CADPS2: variants seen among roughly 807,000 people sequenced by gnomAD.
CADPS2 encodes the protein calcium dependent secretion activator 2, also known as calcium-dependent secretion activator 2.
In CADPS2, 93 loss-of-function variants were observed where a neutral mutation model predicts 172.5. The ratio of observed to expected loss-of-function variants is 0.54; its 90% CI spans 0.46 to 0.64. The LOEUF is 0.64. Among genes scored for constraint, CADPS2 ranks in the 30% least tolerant of loss-of-function variants. The pLI is 0.00. For missense variants in CADPS2, 1,420 were observed against 1,565.9 expected (o/e 0.91, Z 1.57); for synonymous variants, 546 against 555.2 (o/e 0.98, Z 0.23).
In CADPS2 at chr7:122,554,629, G is replaced by C; in HGVS notation, c.1396C>G (p.Pro466Ala). Residue 466 changes from proline to alanine, a missense_variant, in exon 8 of 30, where the codon CCA becomes GCA. Pro to Ala is a conservative substitution (Grantham distance 27). Coordinates refer to ENST00000449022, the MANE Select transcript of CADPS2 (RefSeq NM_017954.11). ...KSAELHRMVV[P>A]KNSQDSDLKI... ...AAGTCAGAATCCTGGCTATTTTTTG[G>C]AACTACCATTCGGTGTAATTCAGCT... The C allele has an allele frequency of 1.2e-6, 2 of 1,611,230 alleles. No individual in the cohort carries two copies. Among genetic ancestry groups the C allele is most frequent in the Non-Finnish European group, 1.7e-6 (2 of 1,178,572 alleles).
intron 24 of CADPS2, chr7:122,382,181 T>A (rs2043095809): frequency 6.6e-6 from 1 of 152,162 alleles, no homozygotes. Flanking sequence ...TGTTTTTTAA[T>A]CCTTGCTAAA....
At chr7:122,328,766 C>G (rs2034393782) in intron 28 of CADPS2, among the ~76,000 whole-genome samples, 1 of 152,072 alleles carries the variant, frequency 6.6e-6, no homozygotes, top group Non-Finnish European at 1.5e-5. Flanking sequence ...CTGTGAGACC[C>G]CTGTATTTAT....
chr7:122,425,931 C>G (rs2049119219), intron 17 of CADPS2: 1 of 152,160 alleles, frequency 6.6e-6, no homozygotes. Flanking sequence ...CTGCCTGACC[C>G]TTGCTTTAAC....
intron 15 of CADPS2, among the ~76,000 whole-genome samples, chr7:122,444,315 G>C (rs986027853): frequency 6.6e-6 from 1 of 152,002 alleles, no homozygotes; most frequent in African/African-American, 2.4e-5. Flanking sequence ...ATTTCTCTTG[G>C]GAAAATACCT....
chr7:122,621,383 ACT>A, intron 5 of CADPS2, 96 bp downstream of exon 5: 1 of 787,474 alleles, frequency 1.3e-6, no homozygotes. Context: ...CATATATTAC[ACT>A]GTTTTAAATT....
At chr7:122,354,975 A>G (rs1158170863) in intron 27 of CADPS2, among the ~76,000 whole-genome samples, 2 of 152,192 alleles carry the variant, frequency 1.3e-5, no homozygotes, top group African/African-American at 4.8e-5. Flanking sequence ...CTTTGTGAAG[A>G]GGCACGTGCC....
At chr7:122,513,564 T>C (rs2060149962) in intron 8 of CADPS2, among the ~76,000 whole-genome samples, 2 of 152,180 alleles carry the variant, frequency 1.3e-5, no homozygotes, top group Admixed American at 1.3e-4. Flanking sequence ...TTGAGCAAAG[T>C]AGGAATTAGA....
chr7:122,851,976 T>C (rs1813780000), intron 1 of CADPS2, among the ~76,000 whole-genome samples: 1 of 152,206 alleles, frequency 6.6e-6, no homozygotes, highest in Non-Finnish European at 1.5e-5. Context: ...ATGGGTACTA[T>C]TATCACCCCT....
intron 14 of CADPS2, 88 bp from the exon 15 acceptor site, chr7:122,451,563 G>A: frequency 5.6e-6 from 4 of 720,426 alleles, no homozygotes; most frequent in Non-Finnish European, 8.6e-6. Flanking sequence ...AAAATCCAAG[G>A]AAAAGTTCAC....
intron 1 of CADPS2, among the ~76,000 whole-genome samples, chr7:122,858,084 C>T (rs923041442): frequency 6.6e-6 from 1 of 152,068 alleles, no homozygotes; most frequent in Non-Finnish European, 1.5e-5. Context: ...GGTTTTAGTC[C>T]CTTATTTGTC....
intron 1 of CADPS2, among the ~76,000 whole-genome samples, chr7:122,742,121 C>T (rs1045215652): frequency 2.6e-5 from 4 of 152,132 alleles, no homozygotes; most frequent in South Asian, 2.1e-4. Flanking sequence ...CTGGGCGCAG[C>T]GGCTCATGCC....
At chr7:122,644,091 G>GGAAT (rs1471767417) in intron 3 of CADPS2, among the ~76,000 whole-genome samples, 2 of 147,630 alleles carry the variant, frequency 1.4e-5, no homozygotes, top group African/African-American at 2.5e-5. Context: ...AAGGAAGGAA[G>GGAAT]GAATGAAGGA....
chr7:122,721,366 G>C (rs190669393), intron 2 of CADPS2, among the ~76,000 whole-genome samples: 3,140 of 152,078 alleles, frequency 0.021, 46 homozygotes, highest in Non-Finnish European at 0.032. Context: ...TATCCCCACC[G>C]ATCCCACAGA....
At position 122,615,215 on chromosome 7, in the gene CADPS2, G is replaced by C. The variant is rs1248867159; in HGVS notation, c.1189C>G (p.Leu397Val). 1.3e-6 allele frequency: 2 copies of C among 1,557,456 alleles called. No homozygotes were observed. Among genetic ancestry groups the C allele is most frequent in the Admixed American group, 3.8e-5 (2 of 52,336 alleles). ...GAGGCTTCGGCCTGGTCTGTCTGAAGTTTTTCTCCTTCCACTTCCATTGTA... is the reference window on the plus strand; with the variant it reads ...GAGGCTTCGGCCTGGTCTGTCTGAACTTTTTCTCCTTCCACTTCCATTGTA... ...YCTMEVEGEK[L>V]QTDQAEASRP... The change falls in exon 6 of 30, where the codon CTT (leucine) becomes GTT (valine). Residue 397 changes from leucine (L) to valine (V), a missense_variant. By Grantham distance (32) the Leu-to-Val change is conservative (BLOSUM62 1). Coordinates refer to ENST00000449022, the MANE Select transcript of CADPS2 (RefSeq NM_017954.11).
intron 1 of CADPS2, among the ~76,000 whole-genome samples, chr7:122,802,713 C>T (rs1007158843): frequency 3.9e-5 from 6 of 152,262 alleles, no homozygotes; most frequent in Non-Finnish European, 8.8e-5. Context: ...GCTTATTGTT[C>T]TTAAAATTCT....
At position 122,479,721 on chromosome 7, in the gene CADPS2, A is replaced by C. The variant is rs980158783; in HGVS notation, c.1861+1131T>G. ...TAAGCAAAGTAAACCAATATTGAACATTTATTAGAAATAATATGTTCAATG... is the reference window on the plus strand; with the variant it reads ...TAAGCAAAGTAAACCAATATTGAACCTTTATTAGAAATAATATGTTCAATG... On this transcript the variant is annotated intron_variant, in intron 12 of 29. Transcript: ENST00000449022. Among the ~76,000 whole-genome samples, 7 of 152,324 alleles carry C rather than the reference A, an allele frequency of 4.6e-5. No homozygotes were observed. In the East Asian group the frequency reaches 1.3e-3, roughly 29 times the overall value.
chr7:122,610,173 G>C (rs768295387), intron 6 of CADPS2, among the ~76,000 whole-genome samples: 1 of 151,850 alleles, frequency 6.6e-6, no homozygotes, highest in South Asian at 2.1e-4. Flanking sequence ...AGAGCACTGG[G>C]GGCTTATTAT....
intron 2 of CADPS2, among the ~76,000 whole-genome samples, chr7:122,709,454 T>TG (rs1159085412): frequency 6.6e-6 from 1 of 151,916 alleles, no homozygotes; most frequent in Non-Finnish European, 1.5e-5. Context: ...TTTACACTGT[T>TG]GGTGGGACTG....
intron 1 of CADPS2, among the ~76,000 whole-genome samples, chr7:122,825,963 C>G (rs1316683626): frequency 6.6e-6 from 1 of 152,142 alleles, no homozygotes; most frequent in Non-Finnish European, 1.5e-5. Context: ...TGTAAGAACG[C>G]CAAGTAGCAA....
Sources: gnomAD v4.1 joint callset for allele counts (sites outside exome capture counted in the v4.1 genomes callset) on GRCh38, gnomAD v4.1.1 for gene constraint, MANE v1.5 for transcripts, NCBI Gene and HGNC (gene_info 2026-07-23, HGNC 2026-07-21) for gene names.